AVEN: variants seen among roughly 807,000 people sequenced by gnomAD.
AVEN encodes the protein cell death regulator Aven.
AVEN carries 41 observed loss-of-function variants against 38.1 expected under a neutral mutation model. The observed-to-expected ratio is 1.08, with a 90% CI of 0.84 to 1.40. AVEN has a LOEUF of 1.40. Ranked by LOEUF, AVEN falls within the 40% of genes most tolerant of loss-of-function variation. The probability of loss-of-function intolerance (pLI) is 0.00; values close to 1 mark genes in which losing one functional copy is unlikely to be tolerated. For synonymous variants in AVEN, 206 were observed against 171.8 expected, an observed-to-expected ratio of 1.20 and a Z score of -1.56; for missense variants, 605 against 438.8, an observed-to-expected ratio of 1.38 and a Z score of -3.38.
At chr15:33,976,491 C>T (rs1895895547) in intron 2 of AVEN, among the ~76,000 whole-genome samples, 1 of 151,984 alleles carries the variant, frequency 6.6e-6, no homozygotes, top group Non-Finnish European at 1.5e-5. Context: ...TCTGCCATGC[C>T]CGCATCAGAT....
At chr15:33,898,105 C>T (rs951375772) in intron 2 of AVEN, among the ~76,000 whole-genome samples, 3 of 152,118 alleles carry the variant, frequency 2.0e-5, no homozygotes, top group African/African-American at 4.8e-5. Flanking sequence ...AGGAGAATGG[C>T]GTGAACCAGG....
intron 2 of AVEN, among the ~76,000 whole-genome samples, chr15:33,938,181 C>T (rs1230928398): frequency 6.6e-6 from 1 of 151,970 alleles, no homozygotes; most frequent in Non-Finnish European, 1.5e-5. Flanking sequence ...CCTGGCCAGT[C>T]GCGGTGGCTC....
At chr15:33,860,300 G>C (rs992011406) in intron 11 of AVEN, among the ~76,000 whole-genome samples, 2 of 152,084 alleles carry the variant, frequency 1.3e-5, no homozygotes, top group African/African-American at 2.4e-5. Context: ...CACACAGACT[G>C]AACACAAATA....
chr15:33,923,506 T>C (rs1893485934), intron 2 of AVEN, among the ~76,000 whole-genome samples: 1 of 152,194 alleles, frequency 6.6e-6, no homozygotes, highest in South Asian at 2.1e-4. Flanking sequence ...TAAATAGTAA[T>C]TACTTTAACT....
At chr15:33,959,570 C>A (rs948822627) in intron 2 of AVEN, among the ~76,000 whole-genome samples, 1 of 152,128 alleles carries the variant, frequency 6.6e-6, no homozygotes, top group Non-Finnish European at 1.5e-5. Context: ...CCCCTCCTCT[C>A]TCCACACCAG....
At chr15:34,025,819 G>A (rs1898442267) in intron 1 of AVEN, among the ~76,000 whole-genome samples, 1 of 152,014 alleles carries the variant, frequency 6.6e-6, no homozygotes, top group African/African-American at 2.4e-5. Flanking sequence ...GAAAAAGACA[G>A]GCACTGGACC....
At position 33,866,290 on chromosome 15, in the gene AVEN, T is replaced by TCAG. The variant is rs1317511109; in HGVS notation, c.*320_*322dup. On this transcript the variant is annotated 3_prime_UTR_variant, in exon 6 of 6. Transcript: ENST00000306730. ...GCCTTGTTTGCATCTATTCTCTTAA[T>TCAG]CAGCAGCAGCATCTGCTATGCTGTA... The TCAG allele has an allele frequency of 3.5e-6, 1 of 286,480 alleles. No homozygotes were observed. Among genetic ancestry groups the TCAG allele is most frequent in the Admixed American group, 4.7e-5 (1 of 21,282 alleles). The allele number at this position is 286,480 out of a possible 1,614,324, so 17.7% of individuals were successfully genotyped here.
Position 34,038,924 on chromosome 15 carries a change from TCC to T in AVEN, c.121_122del (p.Gly41ArgfsTer50). The T allele has an allele frequency of 1.4e-6, 1 of 718,286 alleles. No individual in the cohort carries two copies. The highest frequency in any genetic ancestry group is 1.7e-6 in the Non-Finnish European group (1 of 575,296). 44.5% of individuals were successfully genotyped at this position (718,286 alleles called of 1,614,324 possible). ...GTCCGCCTCCGTCCCCGCCGCCGCC[TCC>T]GCCGCCGCCTCTGGCTACCGCCGCT... is the stretch of plus-strand genomic sequence containing the variant. ...AAAAVARGGG[G>X]GGGGDGGGRR... On this transcript the variant is annotated frameshift_variant, in exon 1 of 6. Coordinates refer to ENST00000306730, the MANE Select transcript of AVEN (RefSeq NM_020371.3). LOFTEE classifies it high-confidence loss of function.
intron 2 of AVEN, among the ~76,000 whole-genome samples, chr15:33,995,333 T>C (rs1242325193): frequency 6.6e-6 from 1 of 152,112 alleles, no homozygotes; most frequent in Non-Finnish European, 1.5e-5. Context: ...AAATAAAAAA[T>C]AATACAGTAT....
intron 1 of AVEN, among the ~76,000 whole-genome samples, chr15:34,027,056 C>A (rs1350884464): frequency 6.6e-6 from 1 of 152,184 alleles, no homozygotes; most frequent in Non-Finnish European, 1.5e-5. Flanking sequence ...CACTCTACTA[C>A]AAAAGCAACA....
chr15:33,883,145 T>C (rs1891560964), intron 2 of AVEN, among the ~76,000 whole-genome samples: 1 of 152,184 alleles, frequency 6.6e-6, no homozygotes, highest in African/African-American at 2.4e-5. Context: ...TTTACCATCA[T>C]CAGTACTCTA....
intron 2 of AVEN, among the ~76,000 whole-genome samples, chr15:33,911,062 TAGAA>T (rs1892897849): frequency 6.6e-6 from 1 of 152,214 alleles, no homozygotes; most frequent in Non-Finnish European, 1.5e-5. Flanking sequence ...CTAAACTGCA[TAGAA>T]GCCAACCCAT....
intron 2 of AVEN, among the ~76,000 whole-genome samples, chr15:33,964,831 A>C (rs1567437194): frequency 6.6e-6 from 1 of 152,198 alleles, no homozygotes; most frequent in Non-Finnish European, 1.5e-5. Flanking sequence ...AAGAAACTGC[A>C]GATTTCATTT....
chr15:34,067,821 C>CA (rs1900548326), intron 2 of AVEN, among the ~76,000 whole-genome samples: 1 of 152,100 alleles, frequency 6.6e-6, no homozygotes, highest in African/African-American at 2.4e-5. Context: ...GTCGGTGCCC[C>CA]ACTCCATTCC....
chr15:33,913,942 AT>A (rs1352829827), intron 2 of AVEN, among the ~76,000 whole-genome samples: 1 of 152,234 alleles, frequency 6.6e-6, no homozygotes. Context: ...TGGATATAAA[AT>A]ATCATTGTTC....
intron 2 of AVEN, among the ~76,000 whole-genome samples, chr15:33,945,895 T>C (rs991186659): frequency 9.9e-5 from 15 of 152,208 alleles, no homozygotes; most frequent in Admixed American, 7.9e-4. Flanking sequence ...CGAAAATGTT[T>C]ATTTTTAAAT....
At chr15:33,924,513 G>C (rs537013921) in intron 2 of AVEN, among the ~76,000 whole-genome samples, 1 of 152,150 alleles carries the variant, frequency 6.6e-6, no homozygotes, top group Non-Finnish European at 1.5e-5. Flanking sequence ...GTAGAGACAG[G>C]GTTTTGCCAT....
In AVEN at chr15:34,025,638, C is replaced by A. The variant is rs373623407; in HGVS notation, c.267+13142G>T. Among the ~76,000 whole-genome samples the A allele has an allele frequency of 7.2e-5, 11 of 152,144 alleles. 1 individual carries two copies. In the South Asian group the frequency reaches 2.3e-3, roughly 32 times the overall value. ...TTGTGCAATGGTTATAAAAGATTTC[C>A]TTGCTTTTAGGAAATACACATTGAA... is the stretch of plus-strand genomic sequence containing the variant. On this transcript the variant is annotated intron_variant, in intron 1 of 5. Coordinates refer to ENST00000306730, the MANE Select transcript of AVEN (RefSeq NM_020371.3).
At chr15:34,050,735 A>T (rs1899900422) in intron 5 of AVEN, among the ~76,000 whole-genome samples, 3 of 152,228 alleles carry the variant, frequency 2.0e-5, no homozygotes, top group Admixed American at 2.0e-4. Flanking sequence ...TAAACCAATA[A>T]GATCAAAAAA....
Sources: gnomAD v4.1 joint callset for allele counts (sites outside exome capture counted in the v4.1 genomes callset) on GRCh38, gnomAD v4.1.1 for gene constraint, MANE v1.5 for transcripts, NCBI Gene and HGNC (gene_info 2026-07-23, HGNC 2026-07-21) for gene names.